The following PDE4D variants were observed in gnomAD, a reference collection of about 807,000 sequenced individuals.
The protein encoded by PDE4D is 3',5'-cyclic-AMP phosphodiesterase 4D.
A neutral mutation model predicts 87.4 loss-of-function variants in PDE4D; 24 were observed. That is an observed-to-expected ratio of 0.27 (90% CI 0.20 to 0.39). PDE4D has a LOEUF of 0.39. PDE4D is among the 10% of genes least tolerant of loss of function. The probability of loss-of-function intolerance (pLI) is 1.00; values close to 1 mark genes in which losing one functional copy is unlikely to be tolerated. For synonymous variants in PDE4D, 384 were observed against 383.2 expected (o/e 1.00, Z -0.02); for missense variants, 714 against 1,041.0 (o/e 0.69, Z 4.32).
intron 1 of PDE4D, among the ~76,000 whole-genome samples, chr5:60,453,015 T>C (rs1262436947): frequency 6.6e-6 from 1 of 152,100 alleles, no homozygotes; most frequent in Non-Finnish European, 1.5e-5. Flanking sequence ...TCAAATTACC[T>C]TTAGGATTAA....
chr5:59,724,260 G>A (rs1363242964), intron 1 of PDE4D, among the ~76,000 whole-genome samples: 2 of 152,006 alleles, frequency 1.3e-5, no homozygotes, highest in Non-Finnish European at 1.5e-5. Context: ...GGGATTATCT[G>A]GACACCTGAA....
chr5:60,216,548 A>G (rs1050762233), intron 1 of PDE4D, among the ~76,000 whole-genome samples: 1 of 152,136 alleles, frequency 6.6e-6, no homozygotes, highest in African/African-American at 2.4e-5. Context: ...TCTACAAGAA[A>G]CTCACTTTAG....
chr5:59,122,079 TTGCAGTGAGCTGAGA>T (rs1774609703), intron 5 of PDE4D, among the ~76,000 whole-genome samples: 1 of 132,970 alleles, frequency 7.5e-6, no homozygotes, highest in African/African-American at 2.9e-5. Flanking sequence ...GAGGCGGAGG[TTGCAGTGAGCTGAGA>T]TGGCACCATT....
intron 1 of PDE4D, among the ~76,000 whole-genome samples, chr5:59,351,154 AACG>A (rs1301266760): frequency 2.0e-5 from 3 of 152,168 alleles, no homozygotes; most frequent in Admixed American, 2.0e-4. Flanking sequence ...TAATCTGCAC[AACG>A]ACCTTATGAA....
At chr5:60,171,325 C>T (rs887604005) in intron 2 of PDE4D, among the ~76,000 whole-genome samples, 11 of 151,882 alleles carry the variant, frequency 7.2e-5, no homozygotes, top group African/African-American at 2.4e-4. Context: ...TGAATATGTA[C>T]GGGGAGAGAT....
At chr5:60,159,002 A>C (rs1430208462) in intron 2 of PDE4D, among the ~76,000 whole-genome samples, 1 of 152,244 alleles carries the variant, frequency 6.6e-6, no homozygotes, top group African/African-American at 2.4e-5. Flanking sequence ...AGCTTAAAAC[A>C]CCAACATATT....
intron 3 of PDE4D, among the ~76,000 whole-genome samples, chr5:59,976,809 C>T (rs1225828487): frequency 6.6e-6 from 1 of 152,110 alleles, no homozygotes; most frequent in Non-Finnish European, 1.5e-5. Context: ...TTTTGGTATT[C>T]TCAGAATATT....
chr5:59,598,377 A>C (rs564058374), intron 1 of PDE4D, among the ~76,000 whole-genome samples: 2 of 152,190 alleles, frequency 1.3e-5, no homozygotes, highest in South Asian at 4.1e-4. Context: ...GAAGTGGGCA[A>C]CATAGCACAT....
chr5:59,463,535 TC>T (rs1801090334), intron 1 of PDE4D, among the ~76,000 whole-genome samples: 1 of 152,222 alleles, frequency 6.6e-6, no homozygotes, highest in Admixed American at 6.5e-5. Flanking sequence ...CATTAAGCTT[TC>T]CCTTAAAGCC....
chr5:59,186,362 G>A (rs1272784941), intron 3 of PDE4D, among the ~76,000 whole-genome samples: 2 of 152,150 alleles, frequency 1.3e-5, no homozygotes, highest in Non-Finnish European at 2.9e-5. Context: ...CAGGTTTGGT[G>A]CCAAGAACAG....
At chr5:60,325,773 C>T (rs965405793) in intron 1 of PDE4D, among the ~76,000 whole-genome samples, 25 of 152,102 alleles carry the variant, frequency 1.6e-4, no homozygotes, top group African/African-American at 6.0e-4. Flanking sequence ...AGCAGGATCT[C>T]CCATGTTGCC....
intron 1 of PDE4D, among the ~76,000 whole-genome samples, chr5:59,335,746 C>A (rs1193913810): frequency 1.3e-5 from 2 of 152,164 alleles, no homozygotes; most frequent in Non-Finnish European, 2.9e-5. Flanking sequence ...TAGATGGCAG[C>A]AGACTGCCTT....
chr5:60,238,155 T>C (rs1746637461), intron 1 of PDE4D, among the ~76,000 whole-genome samples: 1 of 152,034 alleles, frequency 6.6e-6, no homozygotes, highest in Non-Finnish European at 1.5e-5. Flanking sequence ...CAAGTTGTTT[T>C]TGTTTTTGCT....
chr5:60,459,023 T>C (rs7712662), intron 1 of PDE4D, among the ~76,000 whole-genome samples: 26,944 of 151,982 alleles, frequency 0.18, 3,870 homozygotes, highest in African/African-American at 0.39. Flanking sequence ...TGTATGTGTA[T>C]ACATTTAGTT....
At chr5:59,068,010 G>A (rs917814353) in intron 5 of PDE4D, among the ~76,000 whole-genome samples, 3 of 152,074 alleles carry the variant, frequency 2.0e-5, no homozygotes, top group Admixed American at 6.6e-5. Context: ...TAAGACTATC[G>A]TAATGAAGTT....
At chr5:60,306,548 G>A (rs868753315) in intron 1 of PDE4D, among the ~76,000 whole-genome samples, 3 of 152,056 alleles carry the variant, frequency 2.0e-5, no homozygotes, top group Middle Eastern at 6.8e-3. Context: ...AGGAAGGCTG[G>A]AAAAATGAGT....
chr5:60,070,978 T>C (rs776859660), intron 2 of PDE4D, among the ~76,000 whole-genome samples: 11 of 152,078 alleles, frequency 7.2e-5, no homozygotes. Context: ...TAATTGTTCA[T>C]AGTTATCTCT....
At chr5:59,879,023 C>T (rs548320843) in intron 1 of PDE4D, among the ~76,000 whole-genome samples, 1 of 150,426 alleles carries the variant, frequency 6.6e-6, no homozygotes, top group Admixed American at 6.7e-5. Flanking sequence ...CTCAGCCTCC[C>T]AAATAGCTGG....
At chr5:59,600,041 A>G (rs1827271848) in intron 1 of PDE4D, among the ~76,000 whole-genome samples, 1 of 152,142 alleles carries the variant, frequency 6.6e-6, no homozygotes, top group South Asian at 2.1e-4. Context: ...CTCAAGCAAG[A>G]GCCTTGTTTT....
Sources: gnomAD v4.1 joint callset for allele counts (sites outside exome capture counted in the v4.1 genomes callset) on GRCh38, gnomAD v4.1.1 for gene constraint, MANE v1.5 for transcripts, NCBI Gene and HGNC (gene_info 2026-07-23, HGNC 2026-07-21) for gene names.